SHROOM3: variants seen among roughly 807,000 people sequenced by gnomAD.
SHROOM3 encodes shroom family member 3.
Under a neutral mutation model 138.6 loss-of-function variants are expected in SHROOM3, and 47 were observed. The ratio of observed to expected loss-of-function variants is 0.34; its 90% CI spans 0.27 to 0.43. SHROOM3 has a LOEUF of 0.43. SHROOM3 is among the 20% of genes least tolerant of loss of function. The pLI is 1.00. For missense variants in SHROOM3, 2,491 were observed against 2,596.5 expected (o/e 0.96, Z 0.88); for synonymous variants, 1,062 against 1,063.3 (o/e 1.00, Z 0.02).
At chr4:76,770,324 CAAAAAAAAA>C (rs529468839) in intron 9 of SHROOM3, among the ~76,000 whole-genome samples, 1 of 36,088 alleles carries the variant, frequency 2.8e-5, no homozygotes. Context: ...AACTCTGTCT[CAAAAAAAAA>C]AAAAAAAAAA....
rs558707266 is a variant in SHROOM3, at chr4:76,681,594, GGT to G, written c.324-28523_324-28522del. Reference sequence around the variant, plus strand: ...TGTAAGAAGCTTAGGCAGAGTCTAGGGTGTGTGTGTGTGTGTGTGTGTGTGTG... The same window carrying G: ...TGTAAGAAGCTTAGGCAGAGTCTAGGGTGTGTGTGTGTGTGTGTGTGTGTG... On this transcript the variant is annotated intron_variant, in intron 2 of 10. Transcript: ENST00000296043. Among the ~76,000 whole-genome samples the G allele has an allele frequency of 2.3e-3, 185 of 81,008 alleles. 2 individuals carry two copies. Among genetic ancestry groups the G allele is most frequent in the Non-Finnish European group, 3.2e-3 (142 of 44,308 alleles). 53.1% of individuals were successfully genotyped at this position (81,008 alleles called of 152,430 possible).
In SHROOM3 at chr4:76,447,829, C is replaced by T. The variant is rs916381662; in HGVS notation, c.168+11609C>T. ...CAATTAAATCAGTTGTTGGCACTCC[C>T]TTGAAAGCATTACTATCACAGTTTC... On this transcript the variant is annotated intron_variant, in intron 1 of 10. Transcript: ENST00000296043. Among the ~76,000 whole-genome samples, 7 of 152,084 alleles carry T rather than the reference C, an allele frequency of 4.6e-5. No homozygotes were observed. The East Asian group carries it at 1.4e-3, about 29-fold the overall frequency.
Position 76,741,839 on chromosome 4 carries a change from C to G in SHROOM3, c.3666C>G (p.Ala1222=). The part of the protein sequence containing the change: ...WGARAGKSMS[A]EDLLERSDVL... ...CCAGGGCCGGGAAGTCCATGTCGGC[C>G]GAGGACCTGCTGGAACGCTCGGACG... The change falls in exon 5 of 11, where the codon GCC becomes GCG. Residue 1222 remains alanine, a synonymous_variant. Coordinates refer to ENST00000296043, the MANE Select transcript of SHROOM3 (RefSeq NM_020859.4). This position sits in a 1 kb window ranked among gnomAD's most constrained non-coding sequence, Gnocchi z 6.2. 6.2e-7 allele frequency: 1 copy of G among 1,602,612 alleles called. No homozygotes were observed. Among genetic ancestry groups the G allele is most frequent in the South Asian group, 1.1e-5 (1 of 88,764 alleles).
chr4:76,577,487 G>A (rs973626267), intron 2 of SHROOM3, among the ~76,000 whole-genome samples: 1 of 152,172 alleles, frequency 6.6e-6, no homozygotes, highest in African/African-American at 2.4e-5. Context: ...GACAGGGACT[G>A]GTATTGGAAG....
chr4:76,505,491 G>A (rs1560527345), intron 1 of SHROOM3, among the ~76,000 whole-genome samples: 1 of 151,786 alleles, frequency 6.6e-6, no homozygotes, highest in Admixed American at 6.6e-5. Flanking sequence ...ACATACAATT[G>A]GCCCTCTGTA....
intron 8 of SHROOM3, among the ~76,000 whole-genome samples, chr4:76,759,066 G>T (rs530429608): frequency 1.3e-5 from 2 of 152,334 alleles, no homozygotes; most frequent in African/African-American, 4.8e-5. Context: ...GAAAAATTTT[G>T]TGTGTTCAAG....
chr4:76,755,059 C>T lies in SHROOM3; in HGVS notation c.4576C>T (p.Leu1526Phe), dbSNP rs151046733. 3 of 1,599,468 alleles carry T rather than the reference C, an allele frequency of 1.9e-6. No homozygotes were observed. The highest frequency in any genetic ancestry group is 2.7e-5 in the African/African-American group (2 of 74,590). ...CACGTCCAGCCCCACATTTGAACCT[C>T]TTCCCCCACCCCCACCTCCTCCACC... ...KATSSPTFEPLPPPPPPPPSQ... is the reference protein window; with the variant it reads ...KATSSPTFEPFPPPPPPPPSQ... The change falls in exon 7 of 11, where the codon CTT becomes TTT. Residue 1526 changes from leucine to phenylalanine, a missense_variant. By Grantham distance (22) the Leu-to-Phe change is conservative (BLOSUM62 0). Transcript: ENST00000296043.
intron 2 of SHROOM3, among the ~76,000 whole-genome samples, chr4:76,695,182 G>A (rs955913401): frequency 6.6e-6 from 1 of 152,150 alleles, no homozygotes; most frequent in Non-Finnish European, 1.5e-5. Flanking sequence ...TGTAGGAAAG[G>A]CTCTAATGAA....
At position 76,730,875 on chromosome 4, in the gene SHROOM3, G is replaced by A. The variant is rs764052835; in HGVS notation, c.527G>A (p.Ser176Asn). The change falls in exon 4 of 11, where the codon AGC becomes AAC. Residue 176 changes from serine (S) to asparagine (N), a missense_variant. Ser to Asn is a conservative substitution (Grantham distance 46). Around this residue, in one of 4 missense-constraint regions of SHROOM3, gnomAD observed 284 missense variants for 322.8 expected, o/e 0.88. Coordinates refer to ENST00000296043, the MANE Select transcript of SHROOM3 (RefSeq NM_020859.4). ...TCTGGGGAGAAGCAACCCGATGCCA[G>A]CATGATGCAGATATCTCAGGGTATG... ...TKSGEKQPDA[S>N]MMQISQGMIG... 3 of 1,614,154 alleles carry A rather than the reference G, an allele frequency of 1.9e-6. No individual in the cohort carries two copies. The highest frequency in any genetic ancestry group is 2.5e-6 in the Non-Finnish European group (3 of 1,180,032).
chr4:76,587,661 A>G (rs1301672393), intron 2 of SHROOM3, among the ~76,000 whole-genome samples: 1 of 152,242 alleles, frequency 6.6e-6, no homozygotes, highest in African/African-American at 2.4e-5. Context: ...AAAATAACAC[A>G]TTAGTGACAT....
At chr4:76,496,249 G>A (rs1435071972) in intron 1 of SHROOM3, among the ~76,000 whole-genome samples, 1 of 152,192 alleles carries the variant, frequency 6.6e-6, no homozygotes, top group East Asian at 1.9e-4. Flanking sequence ...GGAGCTGGAT[G>A]GGCCATCCTC....
At chr4:76,577,906 AATATCT>A (rs1446041377) in intron 2 of SHROOM3, among the ~76,000 whole-genome samples, 3 of 152,208 alleles carry the variant, frequency 2.0e-5, no homozygotes, top group African/African-American at 7.2e-5. Flanking sequence ...AAAGGTAGAT[AATATCT>A]ATGTTAATAA....
rs796238705 is a variant in SHROOM3 at position 76,623,975 on chromosome 4, GC to G, written c.323+68213del. Among the ~76,000 whole-genome samples, 88 of 152,182 alleles carry G rather than the reference GC, an allele frequency of 5.8e-4. 2 individuals are homozygous for G. The highest frequency in any genetic ancestry group is 2.0e-3 in the African/African-American group (84 of 41,540). On this transcript the variant is annotated intron_variant, in intron 2 of 10. Transcript: ENST00000296043. ...AGAAATTCTATTTTAGTTTTGTTTT[GC>G]TTTTAACCACTATCATGTTTGTATT... is the stretch of plus-strand genomic sequence containing the variant.
chr4:76,649,114 GT>G (rs1735899196), intron 2 of SHROOM3, among the ~76,000 whole-genome samples: 1 of 152,162 alleles, frequency 6.6e-6, no homozygotes, highest in African/African-American at 2.4e-5. Context: ...CGGCTAGCTA[GT>G]TAACCATTTT....
intron 2 of SHROOM3, among the ~76,000 whole-genome samples, chr4:76,707,352 C>G (rs1720087622): frequency 6.6e-6 from 1 of 152,184 alleles, no homozygotes; most frequent in Non-Finnish European, 1.5e-5. Context: ...TTCTCTGTAT[C>G]TCAGGTTGTC....
At chr4:76,638,203 AT>A (rs1735557871) in intron 2 of SHROOM3, among the ~76,000 whole-genome samples, 1 of 152,240 alleles carries the variant, frequency 6.6e-6, no homozygotes, top group Admixed American at 6.5e-5. Flanking sequence ...TTGTATATTT[AT>A]AACAGATGTT....
intron 2 of SHROOM3, chr4:76,688,330 C>G: frequency 1.1e-6 from 1 of 933,784 alleles, no homozygotes; most frequent in South Asian, 4.9e-5. Flanking sequence ...GCTGCTAATG[C>G]TCCTGCATTC....
At chr4:76,681,066 C>A (rs925760172) in intron 2 of SHROOM3, among the ~76,000 whole-genome samples, 3 of 152,204 alleles carry the variant, frequency 2.0e-5, no homozygotes, top group African/African-American at 4.8e-5. Context: ...CCTAAAGGGC[C>A]ATTATCTTCC....
chr4:76,742,229 G>T, intron 5 of SHROOM3: 2 of 420,256 alleles, frequency 4.8e-6, no homozygotes, highest in Non-Finnish European at 8.7e-6. Flanking sequence ...AAAAATTAGG[G>T]ATTATCTTTT....
Sources: gnomAD v4.1 joint callset for allele counts (sites outside exome capture counted in the v4.1 genomes callset) on GRCh38, gnomAD v4.1.1 for gene constraint, gnomAD v4.1.1 regional missense constraint, Gnocchi (gnomAD v3.1) non-coding constraint, MANE v1.5 for transcripts, NCBI Gene and HGNC (gene_info 2026-07-23, HGNC 2026-07-21) for gene names.